ARHGAP21: variants seen among roughly 807,000 people sequenced by gnomAD.
The protein encoded by ARHGAP21 is Rho GTPase activating protein 21.
Under a neutral mutation model 164.6 loss-of-function variants are expected in ARHGAP21, and 38 were observed. The observed-to-expected ratio is 0.23, with a 90% CI of 0.18 to 0.30. The LOEUF (loss-of-function observed/expected upper bound fraction) is 0.30. ARHGAP21 is among the 10% of genes least tolerant of loss of function. ARHGAP21 has a pLI of 1.00. For missense variants in ARHGAP21, 1,822 were observed against 2,370.7 expected (o/e 0.77, Z 4.81); for synonymous variants, 766 against 857.9 (o/e 0.89, Z 1.87).
In ARHGAP21 at chr10:24,600,001, C is replaced by T. The variant is rs565621236; in HGVS notation, c.3132+645G>A. Among the ~76,000 whole-genome samples, 39 of 152,038 alleles carry T rather than the reference C, an allele frequency of 2.6e-4. 1 individual carries two copies. Among genetic ancestry groups the T allele is most frequent in the Non-Finnish European group, 4.0e-4 (27 of 67,970 alleles). ...ACAAAAAATTAGCCGGGCATGGTGA[C>T]GGCTGCCTGTCATCCCAGCTACAGG... On this transcript the variant is annotated intron_variant, in intron 14 of 25. Transcript: ENST00000396432.
chr10:24,620,342 G>C lies in ARHGAP21; in HGVS notation c.1553C>G (p.Ser518Cys). ...NVNSGTPIPDSNGEKKQTYKW... is the reference protein window; with the variant it reads ...NVNSGTPIPDCNGEKKQTYKW... ...GTAAGTCTGTTTTTTCTCTCCATTG[G>C]AATCAGGTATTGGAGTTCCAGAATT... The change falls in exon 9 of 26, where the codon TCC (serine) becomes TGC (cysteine). Residue 518 changes from serine to cysteine, a missense_variant. Ser to Cys is a moderately radical substitution (Grantham distance 112). Coordinates refer to ENST00000396432, the MANE Select transcript of ARHGAP21 (RefSeq NM_020824.4). 2.5e-6 allele frequency: 4 copies of C among 1,613,884 alleles called. No individual in the cohort carries two copies. Among genetic ancestry groups the C allele is most frequent in the Non-Finnish European group, 3.4e-6 (4 of 1,179,862 alleles).
rs1212741924 is a variant in ARHGAP21 at position 24,589,591 on chromosome 10, A to G, written c.4151-289T>C. 5 of 336,918 alleles carry G rather than the reference A, an allele frequency of 1.5e-5. No individual in the cohort carries two copies. In the East Asian group the frequency reaches 3.3e-4, roughly 22 times the overall value. The allele number at this position is 336,918 out of a possible 1,614,324, so 20.9% of individuals were successfully genotyped here. On this transcript the variant is annotated intron_variant, in intron 24 of 25. Transcript: ENST00000396432. ...AACACTCGTGTTTATTAGACTTTCT[A>G]AATATTAAATCTAGCAATAAAGAAG...
At chr10:24,648,073 A>C (rs747481959) in intron 4 of ARHGAP21, among the ~76,000 whole-genome samples, 33 of 152,096 alleles carry the variant, frequency 2.2e-4, no homozygotes, top group Admixed American at 9.8e-4. Flanking sequence ...TCCTGACCTC[A>C]GGTGATCCAC....
chr10:24,695,631 C>T (rs936959491), intron 2 of ARHGAP21, among the ~76,000 whole-genome samples: 2 of 151,772 alleles, frequency 1.3e-5, no homozygotes, highest in Non-Finnish European at 2.9e-5. Context: ...GATTAGGTTA[C>T]AAAGCACTGT....
At chr10:24,590,152 C>T in intron 24 of ARHGAP21, 1 of 1,358,066 alleles carries the variant, frequency 7.4e-7, no homozygotes, top group Non-Finnish European at 9.5e-7. Context: ...CATGCCACGC[C>T]CCTTTTAACA....
At chr10:24,690,274 A>G (rs1458843329) in intron 2 of ARHGAP21, among the ~76,000 whole-genome samples, 1 of 152,176 alleles carries the variant, frequency 6.6e-6, no homozygotes, top group East Asian at 1.9e-4. Flanking sequence ...TGCTGGCTCA[A>G]ATGTTTACTT....
intron 6 of ARHGAP21, among the ~76,000 whole-genome samples, chr10:24,630,553 G>A (rs939116081): frequency 2.6e-5 from 4 of 152,010 alleles, no homozygotes; most frequent in African/African-American, 4.8e-5. Context: ...GTGCAGTGGC[G>A]CAATCTTGGC....
At chr10:24,701,295 G>A (rs751490378) in intron 2 of ARHGAP21, among the ~76,000 whole-genome samples, 1 of 152,018 alleles carries the variant, frequency 6.6e-6, no homozygotes, top group South Asian at 2.1e-4. Flanking sequence ...TCTCCTTGTC[G>A]TTTCCAGTTC....
Position 24,585,380 on chromosome 10 carries a change from T to C in ARHGAP21, c.4909A>G (p.Ser1637Gly). The C allele has an allele frequency of 1.2e-6, 2 of 1,613,992 alleles. No homozygotes were observed. The highest frequency in any genetic ancestry group is 2.2e-5 in the South Asian group (2 of 91,082). ...GGGAACACGGGAAACTCGCTCTCGC[T>C]GTCGGTTTCCACAGGCCGCCCTTCA... ...ISEGRPVETD[S>G]ESEFPVFPTA... Residue 1637 changes from serine (S) to glycine (G), a missense_variant, in exon 26 of 26, where the codon AGC becomes GGC. Transcript: ENST00000396432.
At chr10:24,594,883 G>GTAATGAAGCATA (rs2076511804) in intron 21 of ARHGAP21, 67 bp downstream of exon 21, 1 of 1,286,390 alleles carries the variant, frequency 7.8e-7, no homozygotes, top group Non-Finnish European at 1.1e-6. Flanking sequence ...TTGGCATGAA[G>GTAATGAAGCATA]TAATGAAGCA....
intron 14 of ARHGAP21, among the ~76,000 whole-genome samples, chr10:24,598,753 C>A (rs891272467): frequency 1.3e-5 from 2 of 152,004 alleles, no homozygotes; most frequent in African/African-American, 4.8e-5. Context: ...TCTTTAAATA[C>A]GGGAGTAAGT....
chr10:24,664,956 T>A (rs998431673), intron 4 of ARHGAP21, among the ~76,000 whole-genome samples: 2 of 152,208 alleles, frequency 1.3e-5, no homozygotes, highest in Non-Finnish European at 2.9e-5. Context: ...ATGATCTGCA[T>A]GAAGTTTTAT....
At chr10:24,670,158 G>A in intron 3 of ARHGAP21, 60 bp downstream of exon 3, 1 of 1,240,984 alleles carries the variant, frequency 8.1e-7, no homozygotes, top group Non-Finnish European at 1.1e-6. Context: ...AGGAAGACTA[G>A]AAGGGGATAG....
intron 4 of ARHGAP21, chr10:24,640,212 G>A (rs7090524): frequency 0.82 from 124,399 of 151,508 alleles, 51,409 homozygotes; most frequent in African/African-American, 0.92. Flanking sequence ...GTCTGATGTC[G>A]GAAGTTTAGC....
chr10:24,670,597 A>AT (rs544035048), intron 2 of ARHGAP21, among the ~76,000 whole-genome samples, 200 bp from the exon 3 acceptor site: 1 of 152,188 alleles, frequency 6.6e-6, no homozygotes, highest in South Asian at 2.1e-4. Context: ...AAAACCTAGA[A>AT]TTTTTTTCTA....
chr10:24,698,039 C>G (rs550418515), intron 2 of ARHGAP21, among the ~76,000 whole-genome samples: 18 of 151,934 alleles, frequency 1.2e-4, no homozygotes, highest in African/African-American at 4.3e-4. Flanking sequence ...ATATGACCAC[C>G]CTTAGAAAAA....
intron 2 of ARHGAP21, among the ~76,000 whole-genome samples, chr10:24,681,898 G>T (rs928885522): frequency 6.6e-6 from 1 of 152,050 alleles, no homozygotes; most frequent in Non-Finnish European, 1.5e-5. Context: ...GGCATGCTTG[G>T]GGGGAAGGAC....
At chr10:24,595,230 C>A (rs757139557) in intron 19 of ARHGAP21, 40 bp from the exon 20 acceptor site, 1 of 1,514,732 alleles carries the variant, frequency 6.6e-7, no homozygotes. Context: ...TCTTAAATTG[C>A]CTAGGTGAAT....
chr10:24,713,733 A>G (rs1452041825), intron 2 of ARHGAP21, among the ~76,000 whole-genome samples: 1 of 151,780 alleles, frequency 6.6e-6, no homozygotes, highest in Non-Finnish European at 1.5e-5. Flanking sequence ...TCTACCTCCC[A>G]AAGTACTGGG....
Sources: gnomAD v4.1 joint callset for allele counts (sites outside exome capture counted in the v4.1 genomes callset) on GRCh38, gnomAD v4.1.1 for gene constraint, MANE v1.5 for transcripts, NCBI Gene and HGNC (gene_info 2026-07-23, HGNC 2026-07-21) for gene names.